The following GABBR1 variants were observed in gnomAD, a reference collection of about 807,000 sequenced individuals.
The protein encoded by GABBR1 is gamma-aminobutyric acid type B receptor subunit 1, also known as GABA-B receptor, R1 subunit.
A neutral mutation model predicts 117.7 loss-of-function variants in GABBR1; 35 were observed. The observed-to-expected ratio is 0.30, with a 90% CI of 0.23 to 0.39. The LOEUF is 0.39. Ranked by LOEUF, GABBR1 falls within the 10% of genes least tolerant of loss-of-function variation. GABBR1 has a pLI of 1.00. For missense variants in GABBR1, 709 were observed against 1,241.8 expected, an observed-to-expected ratio of 0.57 and a Z score of 6.45; for synonymous variants, 442 against 486.6, an observed-to-expected ratio of 0.91 and a Z score of 1.21.
intron 6 of GABBR1, 48 bp from the exon 7 acceptor site, chr6:29,624,072 CT>C: frequency 6.5e-7 from 1 of 1,531,716 alleles, no homozygotes; most frequent in Admixed American, 1.9e-5. Context: ...GGCCCCTCCC[CT>C]GTCTGCAATT....
chr6:29,602,905 C>A lies in GABBR1; in HGVS notation c.*638G>T. 1 of 423,208 alleles carries A rather than the reference C, an allele frequency of 2.4e-6. No individual in the cohort carries two copies. Among genetic ancestry groups the A allele is most frequent in the Non-Finnish European group, 4.7e-6 (1 of 212,724 alleles). 26.2% of individuals were successfully genotyped at this position (423,208 alleles called of 1,614,324 possible). A position where few individuals can be genotyped will look rare whatever the true frequency, so the allele number is the denominator to read the frequency against. ...AAAGCATACGGGAAAAGCGTGTGTA[C>A]ACATGAGCATGTTCAGTGGGCACAC... On this transcript the variant is annotated 3_prime_UTR_variant, in exon 23 of 23. Coordinates refer to ENST00000377034, the MANE Select transcript of GABBR1 (RefSeq NM_001470.4).
chr6:29,627,505 A>C lies in GABBR1; in HGVS notation c.638T>G (p.Leu213Arg). The part of the protein sequence containing the change: ...RDILPDYELK[L>R]IHHDSKCDPG... ...GGCTACCTTGCTGTCGTGGTGGATG[A>C]GCTTGAGCTCATAGTCCGGCAGGAT... The change falls in exon 6 of 23, where the codon CTC (leucine) becomes CGC (arginine). Residue 213 changes from leucine to arginine, a missense_variant. This residue lies in a region of GABBR1 where 192 missense variants were observed against 418.4 expected (regional missense o/e 0.46). Transcript: ENST00000377034. This position sits in a 1 kb window ranked among gnomAD's most constrained non-coding sequence, Gnocchi z 4.4. 1 of 1,334,080 alleles carries C rather than the reference A, an allele frequency of 7.5e-7. No individual in the cohort carries two copies. The highest frequency in any genetic ancestry group is 1.0e-6 in the Non-Finnish European group (1 of 998,154). The allele number at this position is 1,334,080 out of a possible 1,614,324, so 82.6% of individuals were successfully genotyped here. A position where few individuals can be genotyped will look rare whatever the true frequency, so the allele number is the denominator to read the frequency against.
Position 29,627,927 on chromosome 6 carries a change from C to T in GABBR1, c.497-281G>A, listed in dbSNP as rs1764493995. ...TGTGGGGAGGAGGGGGCGAGGGCCC[C>T]GGAGAAGCAGGGAAGGTTGGCTTCC... On this transcript the variant is annotated intron_variant, in intron 5 of 22. Transcript: ENST00000377034. The surrounding 1 kb of genome is among the most constrained non-coding windows in gnomAD (Gnocchi z 4.4). The T allele has an allele frequency of 7.4e-7, 1 of 1,355,734 alleles. No homozygotes were observed. The allele number at this position is 1,355,734 out of a possible 1,614,324, so 84.0% of individuals were successfully genotyped here.
At position 29,607,306 on chromosome 6, in the gene GABBR1, G is replaced by C; in HGVS notation, c.1993-88C>G. On this transcript the variant is annotated intron_variant, in intron 16 of 22. Transcript: ENST00000377034. This position sits in a 1 kb window ranked among gnomAD's most constrained non-coding sequence, Gnocchi z 5.0. The stretch of plus-strand genomic sequence containing the variant: ...ATGGGCAGAACCCTAAGGGAGAGTG[G>C]GCAGGGAGCACGGGCAGGGAGCTCA... 1.9e-6 allele frequency: 2 copies of C among 1,052,732 alleles called. No homozygotes were observed. Among genetic ancestry groups the C allele is most frequent in the South Asian group, 2.5e-5 (2 of 79,244 alleles). The allele number at this position is 1,052,732 out of a possible 1,614,324, so 65.2% of individuals were successfully genotyped here. A position where few individuals can be genotyped will look rare whatever the true frequency, so the allele number is the denominator to read the frequency against.
At position 29,604,642 on chromosome 6, in the gene GABBR1, G is replaced by A. The variant is rs374757081; in HGVS notation, c.2569-5C>T. 18 of 1,613,088 alleles carry A rather than the reference G, an allele frequency of 1.1e-5. No individual in the cohort carries two copies. The highest frequency in any genetic ancestry group is 4.0e-5 in the African/African-American group (3 of 74,912). ...TCGGGTGATCAGCCTGCGCATCTGGGGGCAAATGTTTGGGCGTGGGGTGGC... is the reference window on the plus strand; with the variant it reads ...TCGGGTGATCAGCCTGCGCATCTGGAGGCAAATGTTTGGGCGTGGGGTGGC... On this transcript the variant is annotated splice_polypyrimidine_tract_variant and splice_region_variant and intron_variant, in intron 21 of 22. Transcript: ENST00000377034. The surrounding 1 kb of genome is among the most constrained non-coding windows in gnomAD (Gnocchi z 5.3).
chr6:29,613,981 T>G lies in GABBR1; in HGVS notation c.1324-496A>C, dbSNP rs1465439297. On this transcript the variant is annotated intron_variant, in intron 11 of 22. Coordinates refer to ENST00000377034, the MANE Select transcript of GABBR1 (RefSeq NM_001470.4). The surrounding 1 kb of genome is among the most constrained non-coding windows in gnomAD (Gnocchi z 4.1). ...CAGCCAGGAGGATATTTCTTCAGCA[T>G]GCTAACTTCTTGCCATTCTTGTGTG... is the stretch of plus-strand genomic sequence containing the variant. Among the ~76,000 whole-genome samples, 1 of 152,246 alleles carries G rather than the reference T, an allele frequency of 6.6e-6. No homozygotes were observed. The highest frequency in any genetic ancestry group is 2.4e-5 in the African/African-American group (1 of 41,470).
rs1468754511 is a variant in GABBR1 at position 29,604,348 on chromosome 6, C to T, written c.2712+146G>A. ...CCCCTCCCCTATGCTGCTCCATTCA[C>T]TCCTTACAGGTTGTCTCCTAGGACC... is the stretch of plus-strand genomic sequence containing the variant. On this transcript the variant is annotated intron_variant, in intron 22 of 22. Transcript: ENST00000377034. The surrounding 1 kb of genome is among the most constrained non-coding windows in gnomAD (Gnocchi z 5.3). The T allele has an allele frequency of 2.1e-6, 2 of 953,604 alleles. No homozygotes were observed. The highest frequency in any genetic ancestry group is 3.3e-6 in the Non-Finnish European group (2 of 602,024). 59.1% of individuals were successfully genotyped at this position (953,604 alleles called of 1,614,324 possible). A position where few individuals can be genotyped will look rare whatever the true frequency, so the allele number is the denominator to read the frequency against.
In GABBR1 at chr6:29,631,688, G is replaced by T; in HGVS notation, c.86-89C>A. ...CCAGTGGGAGGAAGGGGAGAGTAGGGCGTGGTCTGTGGGCAGGCTGGGGAC... is the reference window on the plus strand; with the variant it reads ...CCAGTGGGAGGAAGGGGAGAGTAGGTCGTGGTCTGTGGGCAGGCTGGGGAC... On this transcript the variant is annotated intron_variant, in intron 2 of 22. Coordinates refer to ENST00000377034, the MANE Select transcript of GABBR1 (RefSeq NM_001470.4). This position sits in a 1 kb window ranked among gnomAD's most constrained non-coding sequence, Gnocchi z 5.9. 1.7e-6 allele frequency: 2 copies of T among 1,204,924 alleles called. No homozygotes were observed. The highest frequency in any genetic ancestry group is 2.4e-6 in the Non-Finnish European group (2 of 820,978). The allele number at this position is 1,204,924 out of a possible 1,614,324, so 74.6% of individuals were successfully genotyped here.
chr6:29,623,153 G>T lies in GABBR1; in HGVS notation c.963+152C>A. The T allele has an allele frequency of 3.0e-6, 2 of 659,324 alleles. No individual in the cohort carries two copies. The highest frequency in any genetic ancestry group is 1.8e-5 in the African/African-American group (1 of 54,926). 40.8% of individuals were successfully genotyped at this position (659,324 alleles called of 1,614,324 possible). ...AAAACTCAACTCATTCTTTCCCCTG[G>T]CTACAGAAAGAACTGCACTTAATCC... On this transcript the variant is annotated intron_variant, in intron 8 of 22. Coordinates refer to ENST00000377034, the MANE Select transcript of GABBR1 (RefSeq NM_001470.4). The surrounding 1 kb of genome is among the most constrained non-coding windows in gnomAD (Gnocchi z 6.2).
Position 29,632,331 on chromosome 6 carries a change from C to T in GABBR1, c.55G>A (p.Gly19Arg). ...GAGGTGGCGTTGGGGGTCTGCGCCC[C>T]GCCCGCGCCCGGGGGGCGGAGGAAG... Reference protein sequence around the residue: ...PLFLRPPGAGGAQTPNATSEG... With the variant: ...PLFLRPPGAGRAQTPNATSEG... Residue 19 changes from glycine to arginine, a missense_variant, in exon 2 of 23, where the codon GGG becomes AGG. This residue lies in a region of GABBR1 where 43 missense variants were observed against 42.8 expected (regional missense o/e 1.00). Transcript: ENST00000377034. This position sits in a 1 kb window ranked among gnomAD's most constrained non-coding sequence, Gnocchi z 5.8. 2 of 1,369,368 alleles carry T rather than the reference C, an allele frequency of 1.5e-6. No homozygotes were observed. The highest frequency in any genetic ancestry group is 1.9e-6 in the Non-Finnish European group (2 of 1,057,872). The allele number at this position is 1,369,368 out of a possible 1,614,324, so 84.8% of individuals were successfully genotyped here.
At position 29,611,010 on chromosome 6, in the gene GABBR1, A is replaced by T; in HGVS notation, c.1631-9T>A. 2 of 1,611,878 alleles carry T rather than the reference A, an allele frequency of 1.2e-6. No homozygotes were observed. The highest frequency in any genetic ancestry group is 1.7e-6 in the Non-Finnish European group (2 of 1,178,936). ...CTTCTTGTAGCTGCCACCTGGGCAGACGACAATAAAAGGAGTGACCACAGG... is the reference window on the plus strand; with the variant it reads ...CTTCTTGTAGCTGCCACCTGGGCAGTCGACAATAAAAGGAGTGACCACAGG... On this transcript the variant is annotated splice_polypyrimidine_tract_variant and intron_variant, in intron 13 of 22. Coordinates refer to ENST00000377034, the MANE Select transcript of GABBR1 (RefSeq NM_001470.4). The surrounding 1 kb of genome is among the most constrained non-coding windows in gnomAD (Gnocchi z 4.6).
At position 29,632,266 on chromosome 6, in the gene GABBR1, G is replaced by T. The variant is rs1275355481; in HGVS notation, c.85+35C>A. On this transcript the variant is annotated intron_variant, in intron 2 of 22. Transcript: ENST00000377034. The surrounding 1 kb of genome is among the most constrained non-coding windows in gnomAD (Gnocchi z 5.8). ...AGATGCAGGGAAAGGGAAGTGGAGC[G>T]AAGGAGGGCCGGAGGTCGTCGAAGA... 1.6e-6 allele frequency: 2 copies of T among 1,258,458 alleles called. No individual in the cohort carries two copies. Among genetic ancestry groups the T allele is most frequent in the Non-Finnish European group, 2.1e-6 (2 of 950,066 alleles). The allele number at this position is 1,258,458 out of a possible 1,614,324, so 78.0% of individuals were successfully genotyped here. A position where few individuals can be genotyped will look rare whatever the true frequency, so the allele number is the denominator to read the frequency against.
Position 29,622,332 on chromosome 6 carries a change from C to T in GABBR1, c.964-127G>A. On this transcript the variant is annotated intron_variant, in intron 8 of 22. Coordinates refer to ENST00000377034, the MANE Select transcript of GABBR1 (RefSeq NM_001470.4). This position sits in a 1 kb window ranked among gnomAD's most constrained non-coding sequence, Gnocchi z 4.6. ...CAAAGAAGCAGCCATTCTGAACCTT[C>T]CTTCAACAGCTTCTGTCCCTGAAGT... 1 of 668,848 alleles carries T rather than the reference C, an allele frequency of 1.5e-6. No homozygotes were observed. The highest frequency in any genetic ancestry group is 2.7e-6 in the Non-Finnish European group (1 of 373,766). 41.4% of individuals were successfully genotyped at this position (668,848 alleles called of 1,614,324 possible).
Position 29,611,227 on chromosome 6 carries a change from A to G in GABBR1, c.1631-226T>C. 1 of 488,432 alleles carries G rather than the reference A, an allele frequency of 2.0e-6. No individual in the cohort carries two copies. The highest frequency in any genetic ancestry group is 3.6e-6 in the Non-Finnish European group (1 of 274,450). 30.3% of individuals were successfully genotyped at this position (488,432 alleles called of 1,614,324 possible). A position where few individuals can be genotyped will look rare whatever the true frequency, so the allele number is the denominator to read the frequency against. ...ACAACTCAAATAAATAAGAATATCT[A>G]TGTTTAAAAGTCTTCAGTGAGGAGG... On this transcript the variant is annotated intron_variant, in intron 13 of 22. Coordinates refer to ENST00000377034, the MANE Select transcript of GABBR1 (RefSeq NM_001470.4). The surrounding 1 kb of genome is among the most constrained non-coding windows in gnomAD (Gnocchi z 4.6).
Position 29,607,066 on chromosome 6 carries a change from A to G in GABBR1, c.2109+36T>C. On this transcript the variant is annotated intron_variant, in intron 17 of 22. Transcript: ENST00000377034. This position sits in a 1 kb window ranked among gnomAD's most constrained non-coding sequence, Gnocchi z 5.0. ...GAAAATGCTCTGTGCCCCAGGAGCC[A>G]AGGATCTGGGGGCTGAGGATTGGGC... 6.2e-7 allele frequency: 1 copy of G among 1,605,710 alleles called. No individual in the cohort carries two copies. The highest frequency in any genetic ancestry group is 8.5e-7 in the Non-Finnish European group (1 of 1,172,344).
rs752615836 is a variant in GABBR1 at position 29,623,274 on chromosome 6, T to A, written c.963+31A>T. ...CCTGGTGCTGGAATTTGAGCTTATG[T>A]CCCTTTACCCCTTGCCCAACCCCTC... On this transcript the variant is annotated intron_variant, in intron 8 of 22. Coordinates refer to ENST00000377034, the MANE Select transcript of GABBR1 (RefSeq NM_001470.4). This position sits in a 1 kb window ranked among gnomAD's most constrained non-coding sequence, Gnocchi z 6.2. 10 of 1,579,982 alleles carry A rather than the reference T, an allele frequency of 6.3e-6. No individual in the cohort carries two copies. Among genetic ancestry groups the A allele is most frequent in the Non-Finnish European group, 8.7e-6 (10 of 1,155,838 alleles).
In GABBR1 at chr6:29,622,569, A is replaced by C; in HGVS notation, c.964-364T>G. On this transcript the variant is annotated intron_variant, in intron 8 of 22. Transcript: ENST00000377034. This position sits in a 1 kb window ranked among gnomAD's most constrained non-coding sequence, Gnocchi z 4.6. ...GCATGATGTCAACCTCAAGAGGCAA[A>C]TGGGCAGACAGACAAAGGATCAGAG... The C allele has an allele frequency of 3.9e-6, 1 of 257,050 alleles. No homozygotes were observed. Among genetic ancestry groups the C allele is most frequent in the Non-Finnish European group, 7.6e-6 (1 of 132,272 alleles). The allele number at this position is 257,050 out of a possible 1,614,324, so 15.9% of individuals were successfully genotyped here.
chr6:29,618,748 T>A (rs1443165333), intron 11 of GABBR1, among the ~76,000 whole-genome samples: 1 of 152,180 alleles, frequency 6.6e-6, no homozygotes, highest in African/African-American at 2.4e-5. Context: ...CCTAAAGATG[T>A]TTTCTCTAAA....
At chr6:29,628,092 G>A (rs1334253381) in intron 5 of GABBR1, 4 of 607,692 alleles carry the variant, frequency 6.6e-6, no homozygotes, top group Non-Finnish European at 8.2e-6. Context: ...GCGGCGCGCG[G>A]CAGCGGGGGG....
Sources: allele counts gnomAD v4.1 joint callset (sites outside exome capture counted in the v4.1 genomes callset), GRCh38; gene constraint gnomAD v4.1.1; regional missense constraint gnomAD v4.1.1; non-coding constraint Gnocchi (gnomAD v3.1); transcripts MANE v1.5; gene names NCBI Gene and HGNC (gene_info 2026-07-23, HGNC 2026-07-21).